The following FAM171A1 variants were observed in gnomAD, a reference collection of about 807,000 sequenced individuals.
FAM171A1 encodes the protein protein FAM171A1.
Under a neutral mutation model 74.9 loss-of-function variants are expected in FAM171A1, and 23 were observed. The ratio of observed to expected loss-of-function variants is 0.31; its 90% CI spans 0.22 to 0.44. FAM171A1 has a LOEUF of 0.44. FAM171A1 is among the 20% of genes least tolerant of loss of function. The pLI, the probability that FAM171A1 is intolerant of heterozygous loss-of-function variation, is 1.00. For synonymous variants in FAM171A1, 527 were observed against 505.7 expected, an observed-to-expected ratio of 1.04 and a Z score of -0.57; for missense variants, 1,162 against 1,159.2, an observed-to-expected ratio of 1.00 and a Z score of -0.03.
chr10:15,230,673 A>G (rs1230809680), intron 5 of FAM171A1, among the ~76,000 whole-genome samples: 2 of 151,926 alleles, frequency 1.3e-5, no homozygotes, highest in African/African-American at 2.4e-5. Flanking sequence ...TAGCTGAGCT[A>G]TCGTAAGACT....
At chr10:15,365,271 G>C (rs548314921) in intron 1 of FAM171A1, among the ~76,000 whole-genome samples, 3 of 152,302 alleles carry the variant, frequency 2.0e-5, no homozygotes, top group Admixed American at 2.0e-4. Context: ...GGTTAACAGA[G>C]AAGCAGGAAT....
rs181565438 is a variant in FAM171A1, at chr10:15,289,354, G to A, written c.98-5249C>T. On this transcript the variant is annotated intron_variant, in intron 1 of 7. Transcript: ENST00000378116. ...GGGTGCACTCTTTGCTGCTCAGTGA[G>A]TACTGAGGACCCCGCTGAGTTGGTC... 5.3e-5 allele frequency among the ~76,000 whole-genome samples: 8 copies of A among 152,256 alleles called. No individual in the cohort carries two copies. In the East Asian group the frequency reaches 1.5e-3, roughly 29 times the overall value.
In FAM171A1 at chr10:15,213,635, C is replaced by T. The variant is rs1321957333; in HGVS notation, c.1953G>A (p.Ala651=). 4.3e-6 allele frequency: 7 copies of T among 1,614,072 alleles called. No homozygotes were observed. Among genetic ancestry groups the T allele is most frequent in the East Asian group, 2.2e-5 (1 of 44,858 alleles). The change falls in exon 8 of 8, where the codon GCG becomes GCA. Residue 651 remains alanine, a synonymous_variant. Coordinates refer to ENST00000378116, the MANE Select transcript of FAM171A1 (RefSeq NM_001010924.2). The surrounding 1 kb of genome is among the most constrained non-coding windows in gnomAD (Gnocchi z 6.8). ...TCTGAGGGCTCCACTCCCGGGTGCC[C>T]GCATCCTGCAGGTGCTGCTGAGAGA... ...QAISQQHLQD[A]GTREWSPQNA... is the part of the protein sequence containing the mutation.
chr10:15,331,294 C>T (rs1162313850), intron 1 of FAM171A1, among the ~76,000 whole-genome samples: 3 of 152,174 alleles, frequency 2.0e-5, no homozygotes, highest in Non-Finnish European at 4.4e-5. Context: ...GAAGAAGCTG[C>T]GGCCTAGAAA....
chr10:15,278,887 C>T (rs776823304), intron 2 of FAM171A1, among the ~76,000 whole-genome samples: 10 of 152,106 alleles, frequency 6.6e-5, no homozygotes, highest in Admixed American at 3.3e-4. Flanking sequence ...CTATTATCAG[C>T]GATCCTTTCA....
At chr10:15,344,630 G>A (rs189531529) in intron 1 of FAM171A1, among the ~76,000 whole-genome samples, 16 of 152,252 alleles carry the variant, frequency 1.1e-4, no homozygotes, top group Non-Finnish European at 1.9e-4. Context: ...GCAAAATTTG[G>A]AATATCTTTA....
At chr10:15,287,065 G>GACAC (rs1168945935) in intron 1 of FAM171A1, among the ~76,000 whole-genome samples, 1 of 150,776 alleles carries the variant, frequency 6.6e-6, no homozygotes, top group East Asian at 1.9e-4. Flanking sequence ...GGATGTGCAC[G>GACAC]ACACATACAC....
At chr10:15,240,800 G>A in intron 5 of FAM171A1, 1 of 931,584 alleles carries the variant, frequency 1.1e-6, no homozygotes, top group Middle Eastern at 5.5e-4. Context: ...AGTGACTTGG[G>A]AGGCTGAGTT....
At chr10:15,338,201 G>A (rs1318117831) in intron 1 of FAM171A1, among the ~76,000 whole-genome samples, 2 of 152,026 alleles carry the variant, frequency 1.3e-5, no homozygotes, top group Admixed American at 6.5e-5. Context: ...TTAGTACAGG[G>A]GAAATTTAAT....
rs138063952 is a variant in FAM171A1, at chr10:15,328,810, C to A, written c.97+42146G>T. ...TTTAGGCCCCACCAAATACAGGTAT[C>A]CCCAGGGCACCACCAGATTTGGCCA... is the stretch of plus-strand genomic sequence containing the variant. On this transcript the variant is annotated intron_variant, in intron 1 of 7. Coordinates refer to ENST00000378116, the MANE Select transcript of FAM171A1 (RefSeq NM_001010924.2). Among the ~76,000 whole-genome samples, 44 of 152,304 alleles carry A rather than the reference C, an allele frequency of 2.9e-4. 1 individual carries two copies. The highest frequency in any genetic ancestry group is 9.1e-4 in the African/African-American group (38 of 41,568).
At chr10:15,287,070 A>G (rs548643477) in intron 1 of FAM171A1, among the ~76,000 whole-genome samples, 2 of 151,802 alleles carry the variant, frequency 1.3e-5, no homozygotes, top group East Asian at 3.9e-4. Context: ...TGCACGACAC[A>G]TACACACACA....
chr10:15,337,505 T>C (rs7906416), intron 1 of FAM171A1, among the ~76,000 whole-genome samples: 1,927 of 151,042 alleles, frequency 0.013, 24 homozygotes, highest in Non-Finnish European at 0.02. Flanking sequence ...TAATAAGCAG[T>C]AGGGGCCGGG....
At chr10:15,361,723 G>A (rs1835997529) in intron 1 of FAM171A1, among the ~76,000 whole-genome samples, 1 of 152,054 alleles carries the variant, frequency 6.6e-6, no homozygotes. Flanking sequence ...CTCACTTTAT[G>A]GATTGGGGAC....
chr10:15,372,552 A>G (rs1836162378), upstream of FAM171A1, among the ~76,000 whole-genome samples: 1 of 151,114 alleles, frequency 6.6e-6, no homozygotes, highest in African/African-American at 2.4e-5. Flanking sequence ...AAAAAAATTA[A>G]CCAGGCATAG....
intron 5 of FAM171A1, among the ~76,000 whole-genome samples, chr10:15,226,706 T>C (rs1834112097): frequency 6.6e-6 from 1 of 152,230 alleles, no homozygotes; most frequent in Non-Finnish European, 1.5e-5. Flanking sequence ...TCAACTACAA[T>C]GCTAGGTTCT....
intron 1 of FAM171A1, among the ~76,000 whole-genome samples, chr10:15,347,464 G>T (rs564283172): frequency 6.6e-6 from 1 of 152,252 alleles, no homozygotes; most frequent in South Asian, 2.1e-4. Context: ...CCTACTGAGA[G>T]TTTCTTATGC....
intron 3 of FAM171A1, among the ~76,000 whole-genome samples, chr10:15,257,305 G>A (rs1342722213): frequency 1.3e-5 from 2 of 152,124 alleles, no homozygotes; most frequent in African/African-American, 4.8e-5. Context: ...AACCTTCTCC[G>A]ACTGGACTGA....
At position 15,220,957 on chromosome 10, in the gene FAM171A1, G is replaced by T. The variant is rs1352192704; in HGVS notation, c.858C>A (p.Ser286=). ...PQLGYWVAAM[S]PPIPGPVVTQ... ...GCTCCGTGTTACCTGGGATGGGAGG[G>T]GACATGGCGGCCACCCAGTACCCCA... Residue 286 remains serine (S), a synonymous_variant, in exon 6 of 8, where the codon TCC becomes TCA. Transcript: ENST00000378116. 6.2e-7 allele frequency: 1 copy of T among 1,613,300 alleles called. No individual in the cohort carries two copies.
At chr10:15,311,039 G>A (rs1835354291) in intron 1 of FAM171A1, among the ~76,000 whole-genome samples, 1 of 152,152 alleles carries the variant, frequency 6.6e-6, no homozygotes. Flanking sequence ...CTGGAAGGAT[G>A]GGCTGCTGGG....
Sources: gnomAD v4.1 joint callset for allele counts (sites outside exome capture counted in the v4.1 genomes callset) on GRCh38, gnomAD v4.1.1 for gene constraint, Gnocchi (gnomAD v3.1) non-coding constraint, MANE v1.5 for transcripts, NCBI Gene and HGNC (gene_info 2026-07-23, HGNC 2026-07-21) for gene names.